GALC: variants seen among roughly 807,000 people sequenced by gnomAD.
GALC encodes the protein galactocerebrosidase.
A neutral mutation model predicts 91.8 loss-of-function variants in GALC; 77 were observed. The observed-to-expected ratio is 0.84, with a 90% CI of 0.70 to 1.01. The LOEUF is 1.01. Among genes scored for constraint, GALC ranks in the 50% least tolerant of loss-of-function variants. The probability of loss-of-function intolerance (pLI) is 0.00; values close to 1 mark genes in which losing one functional copy is unlikely to be tolerated. For synonymous variants in GALC, 357 were observed against 306.7 expected (o/e 1.16, Z -1.71); for missense variants, 882 against 855.9 (o/e 1.03, Z -0.38).
rs780593419 is a variant in GALC at position 87,934,856 on chromosome 14, A to C, written c.1934T>G (p.Leu645Arg). 3.1e-6 allele frequency: 5 copies of C among 1,611,896 alleles called. No homozygotes were observed. The highest frequency in any genetic ancestry group is 4.2e-6 in the Non-Finnish European group (5 of 1,178,252). ...GTCTGTCCACAGAGACTTGTCATTC[A>C]GCATGCCAGAGGTGAAATGACCCTA... ...TIKGHFTSGM[L>R]NDKSLWTDIP... Residue 645 changes from leucine to arginine, a missense_variant, in exon 17 of 17, where the codon CTG (leucine) becomes CGG (arginine). Physicochemically the swap from Leu to Arg is moderately radical, Grantham distance 102 (BLOSUM62 -2). Transcript: ENST00000261304.
intron 6 of GALC, among the ~76,000 whole-genome samples, chr14:87,980,319 T>C (rs141985790): frequency 0.11 from 16,997 of 151,106 alleles, 1,112 homozygotes; most frequent in Non-Finnish European, 0.16. Context: ...GAGGCAGAGG[T>C]TGCAGTGAGC....
At chr14:87,939,149 G>A (rs367636) in intron 16 of GALC, among the ~76,000 whole-genome samples, 74,732 of 151,698 alleles carry the variant, frequency 0.49, 19,088 homozygotes, top group African/African-American at 0.6. Flanking sequence ...TTTGGCTAGT[G>A]TGGTATAGTT....
At position 87,976,469 on chromosome 14, in the gene GALC, T is replaced by C; in HGVS notation, c.641A>G (p.Asn214Ser). Residue 214 changes from asparagine (N) to serine (S), a missense_variant, in exon 7 of 17, where the codon AAT (asparagine) becomes AGT (serine). Physicochemically the swap from Asn to Ser is conservative, Grantham distance 46. Transcript: ENST00000261304. ...NYIKILRKML[N>S]YQGLQRVKII... is the part of the protein sequence containing the mutation. The stretch of plus-strand genomic sequence containing the variant: ...TTTCACTCGCTGGAGACCTTGATAA[T>C]TCAGCATTTTTCTTAATATCTTTTG... 1 of 1,612,886 alleles carries C rather than the reference T, an allele frequency of 6.2e-7. No individual in the cohort carries two copies. Among genetic ancestry groups the C allele is most frequent in the Non-Finnish European group, 8.5e-7 (1 of 1,178,868 alleles).
At chr14:87,943,337 T>C (rs2139945719) in intron 14 of GALC, among the ~76,000 whole-genome samples, 1 of 152,174 alleles carries the variant, frequency 6.6e-6, no homozygotes, top group Non-Finnish European at 1.5e-5. Context: ...ATCTATCCCA[T>C]ATAATCAAAT....
chr14:87,938,460 T>C (rs561043981), intron 16 of GALC, among the ~76,000 whole-genome samples: 1 of 152,066 alleles, frequency 6.6e-6, no homozygotes, highest in Non-Finnish European at 1.5e-5. Context: ...TTTTGGATAA[T>C]AATAGACAAA....
chr14:87,975,862 A>G (rs1566999991), intron 7 of GALC, among the ~76,000 whole-genome samples: 1 of 152,126 alleles, frequency 6.6e-6, no homozygotes, highest in East Asian at 1.9e-4. Flanking sequence ...AAATGAACCC[A>G]ATGAGGTCAG....
intron 6 of GALC, chr14:87,980,709 T>C (rs1228234390): frequency 6.5e-6 from 1 of 152,974 alleles, no homozygotes; most frequent in African/African-American, 2.4e-5. Flanking sequence ...ACATTCCAAA[T>C]TATGACACAT....
intron 8 of GALC, 60 bp from the exon 9 acceptor site, chr14:87,965,689 A>G (rs1886018108): frequency 1.3e-6 from 2 of 1,565,298 alleles, no homozygotes; most frequent in Middle Eastern, 1.7e-4. Flanking sequence ...GTAAATGTCT[A>G]AAAACCTGGA....
At chr14:87,990,452 A>T (rs942694295) in intron 1 of GALC, among the ~76,000 whole-genome samples, 1 of 152,240 alleles carries the variant, frequency 6.6e-6, no homozygotes, top group African/African-American at 2.4e-5. Flanking sequence ...CCTGGCACAT[A>T]GTAAGTTCTC....
At chr14:87,941,335 G>C in intron 15 of GALC, 60 bp downstream of exon 15, 1 of 1,039,968 alleles carries the variant, frequency 9.6e-7, no homozygotes, top group South Asian at 1.3e-5. Context: ...TAACAAGTAG[G>C]TGCTCAAAGT....
rs1249592658 is a variant in GALC at position 87,963,353 on chromosome 14, A to G, written c.1161+31T>C. On this transcript the variant is annotated intron_variant, in intron 10 of 16. Coordinates refer to ENST00000261304, the MANE Select transcript of GALC (RefSeq NM_000153.4). ...TTATTTTTCCAATAGTAAAGAAGTG[A>G]GTTAATCCAATAGCAACAACAAAAG... 2.5e-6 allele frequency: 4 copies of G among 1,605,600 alleles called. No homozygotes were observed. The Admixed American group carries it at 6.7e-5, about 27-fold the overall frequency.
At chr14:87,988,656 A>C (rs1380265758) in intron 1 of GALC, 133 bp from the exon 2 acceptor site, 1 of 744,152 alleles carries the variant, frequency 1.3e-6, no homozygotes, top group Non-Finnish European at 2.4e-6. Flanking sequence ...AAAGTTCCTC[A>C]CAAGTTGTCT....
At chr14:87,952,763 C>G in intron 10 of GALC, 14 of 1,529,862 alleles carry the variant, frequency 9.2e-6, no homozygotes, top group Non-Finnish European at 1.3e-5. Flanking sequence ...TGAAAGATTA[C>G]TTTGTACATT....
intron 6 of GALC, 25 bp downstream of exon 6, chr14:87,982,180 A>G: frequency 1.5e-6 from 2 of 1,351,844 alleles, no homozygotes; most frequent in Non-Finnish European, 2.1e-6. Flanking sequence ...AGTTAAAAAC[A>G]AAAAGATACT....
chr14:87,967,496 C>T (rs1484507272), intron 8 of GALC, among the ~76,000 whole-genome samples: 1 of 152,038 alleles, frequency 6.6e-6, no homozygotes, highest in Non-Finnish European at 1.5e-5. Context: ...AACATCACAA[C>T]AAATACATAA....
At position 87,933,735 on chromosome 14, in the gene GALC, G is replaced by A; in HGVS notation, c.*997C>T. On this transcript the variant is annotated 3_prime_UTR_variant, in exon 17 of 17. Coordinates refer to ENST00000261304, the MANE Select transcript of GALC (RefSeq NM_000153.4). ...ATGCTTAGTATAAATCATACAACAT[G>A]ATGAACACGCTCACGTATATTTAAA... 1 of 460,730 alleles carries A rather than the reference G, an allele frequency of 2.2e-6. No homozygotes were observed. Among genetic ancestry groups the A allele is most frequent in the Non-Finnish European group, 3.9e-6 (1 of 259,284 alleles). 28.5% of individuals were successfully genotyped at this position (460,730 alleles called of 1,614,324 possible). A position where few individuals can be genotyped will look rare whatever the true frequency, so the allele number is the denominator to read the frequency against.
chr14:87,948,173 G>A (rs1299371979), intron 12 of GALC, among the ~76,000 whole-genome samples: 1 of 151,746 alleles, frequency 6.6e-6, no homozygotes, highest in East Asian at 1.9e-4. Flanking sequence ...CCACTACACA[G>A]TAAGCTCCTT....
In GALC at chr14:87,952,310, T is replaced by C. The variant is rs116050941; in HGVS notation, c.1162-1562A>G. On this transcript the variant is annotated intron_variant, in intron 10 of 16. Coordinates refer to ENST00000261304, the MANE Select transcript of GALC (RefSeq NM_000153.4). ...GGTGACATTACTAGAGATTAGAGAT[T>C]TACCTAGGGGGAGAGGCAAGGCATG... 3.5e-3 allele frequency among the ~76,000 whole-genome samples: 529 copies of C among 152,006 alleles called. 6 individuals carry two copies. Among genetic ancestry groups the C allele is most frequent in the African/African-American group, 0.012 (506 of 41,514 alleles).
chr14:87,972,489 T>C (rs979033990), intron 7 of GALC, among the ~76,000 whole-genome samples: 1 of 152,202 alleles, frequency 6.6e-6, no homozygotes, highest in Non-Finnish European at 1.5e-5. Flanking sequence ...CATAGGTACG[T>C]TCACTTTGTG....
Sources: gnomAD v4.1 joint callset for allele counts (sites outside exome capture counted in the v4.1 genomes callset) on GRCh38, gnomAD v4.1.1 for gene constraint, MANE v1.5 for transcripts, NCBI Gene and HGNC (gene_info 2026-07-23, HGNC 2026-07-21) for gene names.